The following MROH2B variants were observed in gnomAD, a reference collection of about 807,000 sequenced individuals.
The protein encoded by MROH2B is maestro heat-like repeat-containing protein family member 2B.
MROH2B carries 177 observed loss-of-function variants against 208.6 expected under a neutral mutation model. That is an observed-to-expected ratio of 0.85 (90% CI 0.75 to 0.96). The LOEUF is 0.96. Among genes scored for constraint, MROH2B ranks in the 40% least tolerant of loss-of-function variants. MROH2B has a pLI of 0.00. For missense variants in MROH2B, 2,002 were observed against 1,878.7 expected (o/e 1.07, Z -1.21); for synonymous variants, 728 against 659.0 (o/e 1.10, Z -1.60).
chr5:41,010,171 G>A, intron 30 of MROH2B, 92 bp from the exon 31 acceptor site: 1 of 1,160,528 alleles, frequency 8.6e-7, no homozygotes, highest in Non-Finnish European at 1.2e-6. Flanking sequence ...ATGGGCAGCT[G>A]ATGAATTCTA....
intron 24 of MROH2B, among the ~76,000 whole-genome samples, chr5:41,023,193 A>G (rs1742220349): frequency 6.6e-6 from 1 of 152,244 alleles, no homozygotes; most frequent in South Asian, 2.1e-4. Flanking sequence ...CTGGACGGAG[A>G]ATGACTTTGA....
intron 9 of MROH2B, 124 bp downstream of exon 9, chr5:41,056,985 G>C (rs1743475088): frequency 2.0e-6 from 2 of 992,306 alleles, no homozygotes; most frequent in Non-Finnish European, 3.1e-6. Context: ...GTGAGCTAAA[G>C]AAACAGTGTG....
intron 24 of MROH2B, among the ~76,000 whole-genome samples, chr5:41,021,287 G>A (rs1427084297): frequency 6.6e-6 from 1 of 152,268 alleles, no homozygotes; most frequent in East Asian, 1.9e-4. Context: ...AGAAATGAAA[G>A]AAGGCACAAA....
chr5:40,998,643 C>T lies in MROH2B; in HGVS notation c.4620G>A (p.Val1540=), dbSNP rs1156682885. ...AVVLNLTSQY[V]ELLDREQLTT... Reference sequence around the variant, plus strand: ...TCAGTTGTTCTCTGTCTAGTAACTCCACATATTGGCTGGTCAAATTGAGAA... The same window carrying T: ...TCAGTTGTTCTCTGTCTAGTAACTCTACATATTGGCTGGTCAAATTGAGAA... Residue 1540 remains valine, a synonymous_variant, in exon 41 of 42, where the codon GTG becomes GTA. Coordinates refer to ENST00000399564, the MANE Select transcript of MROH2B (RefSeq NM_173489.5). 1 of 1,595,214 alleles carries T rather than the reference C, an allele frequency of 6.3e-7. No individual in the cohort carries two copies. The highest frequency in any genetic ancestry group is 8.5e-7 in the Non-Finnish European group (1 of 1,170,118).
chr5:41,057,676 C>A (rs1743505237), intron 7 of MROH2B, among the ~76,000 whole-genome samples: 1 of 149,644 alleles, frequency 6.7e-6, no homozygotes, highest in Non-Finnish European at 1.5e-5. Flanking sequence ...CCTGCCTCAG[C>A]CTCCCGAGTA....
At chr5:41,033,995 G>A (rs1236109653) in intron 21 of MROH2B, 131 bp from the exon 22 acceptor site, 9 of 1,342,430 alleles carry the variant, frequency 6.7e-6, no homozygotes, top group African/African-American at 3.0e-5. Flanking sequence ...TGCCAAGGGG[G>A]GTCTTGCCAA....
intron 4 of MROH2B, 22 bp from the exon 5 acceptor site, chr5:41,064,592 AGAC>A: frequency 4.4e-6 from 7 of 1,584,526 alleles, no homozygotes; most frequent in Non-Finnish European, 6.1e-6. Context: ...GGCAGAAAGG[AGAC>A]AAGTGTTATT....
intron 24 of MROH2B, among the ~76,000 whole-genome samples, chr5:41,024,423 C>A (rs374558927): frequency 6.6e-6 from 1 of 151,974 alleles, no homozygotes; most frequent in African/African-American, 2.4e-5. Flanking sequence ...CAAAAAAGAT[C>A]AAAAGAGACA....
Position 41,047,734 on chromosome 5 carries a change from G to T in MROH2B, c.1715C>A (p.Thr572Asn). The change falls in exon 17 of 42, where the codon ACC (threonine) becomes AAC (asparagine). Residue 572 changes from threonine (T) to asparagine (N), a missense_variant. Transcript: ENST00000399564. ...AGCCAGCCTTACCTGAAGCAGCATGGTTTCCCATAGAACGGTACTGATGTT... is the reference window on the plus strand; with the variant it reads ...AGCCAGCCTTACCTGAAGCAGCATGTTTTCCCATAGAACGGTACTGATGTT... ...GKNISTVLWE[T>N]MLLQLLKESL... The T allele has an allele frequency of 6.3e-7, 1 of 1,595,356 alleles. No homozygotes were observed. Among genetic ancestry groups the T allele is most frequent in the African/African-American group, 1.3e-5 (1 of 74,666 alleles).
rs1431847205 is a variant in MROH2B, at chr5:41,070,993, G to T, written c.-141C>A. ...CTAAATGAAAGTGCCTCCTCCACTT[G>T]ATTGGCACAATGGTCTGGGAGCTTC... On this transcript the variant is annotated 5_prime_UTR_variant, in exon 1 of 42. Transcript: ENST00000399564. The T allele has an allele frequency of 5.3e-6, 4 of 751,768 alleles. No individual in the cohort carries two copies. The highest frequency in any genetic ancestry group is 1.8e-5 in the African/African-American group (1 of 57,070). The allele number at this position is 751,768 out of a possible 1,614,324, so 46.6% of individuals were successfully genotyped here.
intron 24 of MROH2B, among the ~76,000 whole-genome samples, chr5:41,022,701 G>A (rs951798838): frequency 3.9e-5 from 6 of 152,212 alleles, no homozygotes; most frequent in African/African-American, 1.4e-4. Flanking sequence ...GAAGAGAGTA[G>A]TGGTTCTCCC....
intron 28 of MROH2B, among the ~76,000 whole-genome samples, chr5:41,016,094 T>C (rs1204034331): frequency 6.6e-6 from 1 of 152,222 alleles, no homozygotes; most frequent in Non-Finnish European, 1.5e-5. Context: ...CACGTGGACT[T>C]TGAAGTCAGA....
At position 41,064,380 on chromosome 5, in the gene MROH2B, T is replaced by TG. The variant is rs1743733260; in HGVS notation, c.460+91dup. 8 of 1,010,304 alleles carry TG rather than the reference T, an allele frequency of 7.9e-6. 1 individual carries two copies. Among genetic ancestry groups the TG allele is most frequent in the South Asian group, 6.0e-5 (4 of 66,296 alleles). 62.6% of individuals were successfully genotyped at this position (1,010,304 alleles called of 1,614,324 possible). Reference sequence around the variant, plus strand: ...CTATTATTATTCAAAAGGACAAGATTGGAGTTAAAGGGAAAACAAGACTTT... The same window carrying TG: ...CTATTATTATTCAAAAGGACAAGATTGGGAGTTAAAGGGAAAACAAGACTTT... On this transcript the variant is annotated intron_variant, in intron 5 of 41. Transcript: ENST00000399564.
intron 33 of MROH2B, 112 bp from the exon 34 acceptor site, chr5:41,007,566 A>T: frequency 9.5e-7 from 1 of 1,049,798 alleles, no homozygotes; most frequent in Non-Finnish European, 1.3e-6. Context: ...GGACTAGGGG[A>T]TGTTGTGTAA....
chr5:41,012,382 A>G (rs779055644), intron 30 of MROH2B, among the ~76,000 whole-genome samples: 1 of 152,226 alleles, frequency 6.6e-6, no homozygotes, highest in Non-Finnish European at 1.5e-5. Context: ...TTTTATATTA[A>G]AAGACAAGAG....
intron 9 of MROH2B, 93 bp downstream of exon 9, chr5:41,057,012 AAAGT>A (rs1195768369): frequency 8.3e-7 from 1 of 1,200,594 alleles, no homozygotes; most frequent in Non-Finnish European, 1.2e-6. Context: ...TGTGTGTGTG[AAAGT>A]AAGTTAATGT....
At chr5:41,005,425 C>CCGCCT in intron 35 of MROH2B, 106 bp downstream of exon 35, 3 of 215,380 alleles carry the variant, frequency 1.4e-5, no homozygotes, top group East Asian at 8.7e-5. Flanking sequence ...CCCCCCCCCC[C>CCGCCT]TTGAAGTCTC....
At chr5:41,059,749 A>T (rs1163675039) in intron 6 of MROH2B, among the ~76,000 whole-genome samples, 1 of 151,974 alleles carries the variant, frequency 6.6e-6, no homozygotes, top group Non-Finnish European at 1.5e-5. Context: ...CACATTCCCT[A>T]TTCTCCATCA....
At chr5:41,031,725 T>TTTTGGACAAA in intron 24 of MROH2B, among the ~76,000 whole-genome samples, 1 of 152,062 alleles carries the variant, frequency 6.6e-6, no homozygotes, top group African/African-American at 2.4e-5. Flanking sequence ...TTTTAAATTC[T>TTTTGGACAAA]CACCCTCCTC....
Sources: gnomAD v4.1 joint callset for allele counts (sites outside exome capture counted in the v4.1 genomes callset) on GRCh38, gnomAD v4.1.1 for gene constraint, MANE v1.5 for transcripts, NCBI Gene and HGNC (gene_info 2026-07-23, HGNC 2026-07-21) for gene names.